MDGA2: variants seen among roughly 807,000 people sequenced by gnomAD.
MDGA2 encodes MAM domain containing glycosylphosphatidylinositol anchor 2, also known as MAM domain-containing glycosylphosphatidylinositol anchor protein 2.
A neutral mutation model predicts 117.8 loss-of-function variants in MDGA2; 40 were observed. That is an observed-to-expected ratio of 0.34 (90% confidence interval 0.26 to 0.44). The LOEUF (loss-of-function observed/expected upper bound fraction) is 0.44, where lower values mean the gene tolerates loss of function less well. MDGA2 is among the 20% of genes least tolerant of loss of function. The pLI is 1.00. For synonymous variants in MDGA2, 452 were observed against 439.0 expected, an observed-to-expected ratio of 1.03 and a Z score of -0.37; for missense variants, 1,123 against 1,250.6, an observed-to-expected ratio of 0.90 and a Z score of 1.54.
At chr14:47,129,359 G>T (rs974546489) in intron 5 of MDGA2, among the ~76,000 whole-genome samples, 9 of 150,926 alleles carry the variant, frequency 6.0e-5, no homozygotes, top group Non-Finnish European at 1.3e-4. Context: ...TTTTGTTCTT[G>T]CGATAGTTTA....
chr14:47,599,125 G>A (rs544174433), intron 1 of MDGA2, among the ~76,000 whole-genome samples: 7 of 151,710 alleles, frequency 4.6e-5, no homozygotes, highest in African/African-American at 1.5e-4. Context: ...GACCATTTGG[G>A]AAGACATTAT....
intron 8 of MDGA2, among the ~76,000 whole-genome samples, chr14:47,015,781 C>A (rs1888062050): frequency 6.6e-6 from 1 of 151,806 alleles, no homozygotes; most frequent in Non-Finnish European, 1.5e-5. Flanking sequence ...ACATATGCTT[C>A]CAAATAAGAA....
chr14:46,906,225 A>G (rs1455390988), intron 10 of MDGA2, among the ~76,000 whole-genome samples: 1 of 151,770 alleles, frequency 6.6e-6, no homozygotes, highest in Non-Finnish European at 1.5e-5. Context: ...TATCTGTACA[A>G]TGTATACCCC....
intron 1 of MDGA2, among the ~76,000 whole-genome samples, chr14:47,579,575 G>A (rs538111303): frequency 5.3e-5 from 8 of 152,020 alleles, no homozygotes; most frequent in Admixed American, 3.9e-4. Flanking sequence ...AAATGATACC[G>A]CTAAAATCCC....
At chr14:47,565,440 A>T (rs57845981) in intron 1 of MDGA2, among the ~76,000 whole-genome samples, 3,327 of 152,138 alleles carry the variant, frequency 0.022, 125 homozygotes, top group African/African-American at 0.077. Flanking sequence ...GTGTACTTTA[A>T]CTTTGGGGGG....
At chr14:47,607,857 T>C (rs181631244) in intron 1 of MDGA2, among the ~76,000 whole-genome samples, 126 of 152,284 alleles carry the variant, frequency 8.3e-4, no homozygotes, top group Admixed American at 1.7e-3. Flanking sequence ...CTCTTGTGTA[T>C]ATTAGAAATG....
At chr14:47,671,081 AATAAAT>A (rs1171632790) in intron 1 of MDGA2, among the ~76,000 whole-genome samples, 2 of 152,280 alleles carry the variant, frequency 1.3e-5, no homozygotes, top group East Asian at 3.9e-4. Flanking sequence ...TTGAAAATGT[AATAAAT>A]ATAAAGTACA....
In MDGA2 at chr14:46,920,044, G is replaced by A. The variant is rs755491626; in HGVS notation, c.2206C>T (p.Arg736Trp). The change falls in exon 10 of 17, where the codon CGG becomes TGG. Residue 736 changes from arginine (R) to tryptophan (W), a missense_variant. By Grantham distance (101) the Arg-to-Trp change is moderately radical (BLOSUM62 -3). Around this residue, in one of 2 missense-constraint regions of MDGA2, gnomAD observed 890 missense variants for 1,050.3 expected, o/e 0.85. Transcript: ENST00000399232. ...WTQMNPDAVD[R>W]IVAYRLGIRQ... ...ATGCCCAACCGGTATGCAACAATCC[G>A]ATCCACTGCATCAGGATTCATCTGT... The A allele has an allele frequency of 1.1e-5, 17 of 1,589,022 alleles. No individual in the cohort carries two copies. Among genetic ancestry groups the A allele is most frequent in the Non-Finnish European group, 1.4e-5 (16 of 1,170,532 alleles).
chr14:47,473,276 G>A (rs1270813592), intron 1 of MDGA2, among the ~76,000 whole-genome samples: 1 of 152,066 alleles, frequency 6.6e-6, no homozygotes, highest in African/African-American at 2.4e-5. Flanking sequence ...TTAGAGCTAG[G>A]GGTCTCCCTC....
intron 1 of MDGA2, among the ~76,000 whole-genome samples, chr14:47,316,142 A>C (rs1417623446): frequency 1.3e-5 from 2 of 152,078 alleles, no homozygotes; most frequent in Admixed American, 1.3e-4. Flanking sequence ...ATACTGTTGT[A>C]GCACTCATGT....
intron 1 of MDGA2, among the ~76,000 whole-genome samples, chr14:47,398,747 A>G (rs7141061): frequency 0.26 from 39,838 of 152,092 alleles, 5,555 homozygotes; most frequent in Middle Eastern, 0.41. Flanking sequence ...AATATGTAGC[A>G]CAAACTTCAT....
At chr14:47,388,910 A>G (rs1891823172) in intron 1 of MDGA2, among the ~76,000 whole-genome samples, 1 of 152,206 alleles carries the variant, frequency 6.6e-6, no homozygotes, top group South Asian at 2.1e-4. Context: ...AGTTACAAGC[A>G]TATGTCCCGA....
In MDGA2 at chr14:46,874,063, G is replaced by A. The variant is rs1481153869; in HGVS notation, c.2575C>T (p.Arg859Cys). 1 of 1,545,760 alleles carries A rather than the reference G, an allele frequency of 6.5e-7. No homozygotes were observed. Among genetic ancestry groups the A allele is most frequent in the Non-Finnish European group, 8.7e-7 (1 of 1,152,862 alleles). ...YTPNTGPNAD[R>C]SGSKEGFYMY... is the part of the protein sequence containing the mutation. ...CCCATACCTTCTTTGGAGCCACTAC[G>A]GTCAGCATTAGGTCCTGTATTAGGA... The change falls in exon 13 of 17, where the codon CGT (arginine) becomes TGT (cysteine). Residue 859 changes from arginine (R) to cysteine (C), a missense_variant. Coordinates refer to ENST00000399232, the MANE Select transcript of MDGA2 (RefSeq NM_001113498.3).
rs555857920 is a variant in MDGA2 at position 46,882,422 on chromosome 14, A to G, written c.2239-201T>C. On this transcript the variant is annotated intron_variant, in intron 10 of 16. Coordinates refer to ENST00000399232, the MANE Select transcript of MDGA2 (RefSeq NM_001113498.3). The stretch of plus-strand genomic sequence containing the variant: ...TATGTTTGCAGGTAATTGCCAAATG[A>G]TCAGAGGTATTTAATAGATTTAATA... Among the ~76,000 whole-genome samples the G allele has an allele frequency of 2.2e-4, 34 of 151,896 alleles. 1 individual carries two copies. In the East Asian group the frequency reaches 4.9e-3, roughly 22 times the overall value.
intron 3 of MDGA2, among the ~76,000 whole-genome samples, chr14:47,170,600 A>C (rs982756884): frequency 1.3e-5 from 2 of 152,196 alleles, no homozygotes; most frequent in African/African-American, 4.8e-5. Flanking sequence ...TAAAAAGCTG[A>C]GCCACTATGA....
At chr14:47,128,967 G>T (rs1012559549) in intron 5 of MDGA2, among the ~76,000 whole-genome samples, 2 of 152,018 alleles carry the variant, frequency 1.3e-5, no homozygotes, top group Non-Finnish European at 2.9e-5. Flanking sequence ...GGGATTACAG[G>T]AGTGAGCCAC....
intron 5 of MDGA2, among the ~76,000 whole-genome samples, chr14:47,119,850 T>C (rs1200282476): frequency 6.6e-6 from 1 of 152,166 alleles, no homozygotes; most frequent in African/African-American, 2.4e-5. Flanking sequence ...TTTATATCTT[T>C]CCTGTGGTGC....
intron 1 of MDGA2, among the ~76,000 whole-genome samples, chr14:47,573,512 A>G (rs879535725): frequency 2.6e-5 from 4 of 152,178 alleles, no homozygotes; most frequent in Admixed American, 6.5e-5. Flanking sequence ...GTCTTTAACC[A>G]TTAGAGTCTA....
chr14:47,590,463 C>T (rs12879710), intron 1 of MDGA2, among the ~76,000 whole-genome samples: 39,785 of 151,550 alleles, frequency 0.26, 5,905 homozygotes, highest in Non-Finnish European at 0.34. Flanking sequence ...AAAGAAAATA[C>T]AGGGCATGAT....
Sources: allele counts gnomAD v4.1 joint callset (sites outside exome capture counted in the v4.1 genomes callset), GRCh38; gene constraint gnomAD v4.1.1; regional missense constraint gnomAD v4.1.1; transcripts MANE v1.5; gene names NCBI Gene and HGNC (gene_info 2026-07-23, HGNC 2026-07-21).